The following SNTG1 variants were observed in gnomAD, a reference collection of about 807,000 sequenced individuals.
SNTG1 encodes the protein syntrophin gamma 1, also known as gamma-1-syntrophin.
SNTG1 carries 39 observed loss-of-function variants against 74.7 expected under a neutral mutation model. The observed-to-expected ratio is 0.52, with a 90% CI of 0.40 to 0.68. The LOEUF is 0.68. Among genes scored for constraint, SNTG1 ranks in the 30% least tolerant of loss-of-function variants. SNTG1 has a pLI of 0.00. For synonymous variants in SNTG1, 254 were observed against 217.1 expected, an observed-to-expected ratio of 1.17 and a Z score of -1.49; for missense variants, 685 against 609.5, an observed-to-expected ratio of 1.12 and a Z score of -1.30.
intron 4 of SNTG1, among the ~76,000 whole-genome samples, chr8:50,412,354 C>T (rs771065104): frequency 1.4e-4 from 22 of 152,118 alleles, no homozygotes; most frequent in Non-Finnish European, 2.9e-4. Flanking sequence ...GTGACTCCTT[C>T]TTTCTTCTTT....
chr8:49,973,600 T>C (rs1161751826), intron 1 of SNTG1, among the ~76,000 whole-genome samples: 1 of 151,976 alleles, frequency 6.6e-6, no homozygotes, highest in Admixed American at 6.6e-5. Context: ...TGGCTTTCAT[T>C]AATATGCATC....
chr8:50,205,473 A>C (rs78997621), intron 2 of SNTG1, among the ~76,000 whole-genome samples: 65,501 of 151,942 alleles, frequency 0.43, 17,858 homozygotes, highest in African/African-American at 0.78. Context: ...CAGATATTAG[A>C]CCTTTGTCAG....
chr8:50,061,797 A>G (rs1422841694), intron 1 of SNTG1, among the ~76,000 whole-genome samples: 3 of 151,990 alleles, frequency 2.0e-5, no homozygotes, highest in African/African-American at 7.2e-5. Context: ...TTGTCTTGTT[A>G]TTGATATCTA....
At chr8:50,475,123 T>A (rs2093686232) in intron 8 of SNTG1, among the ~76,000 whole-genome samples, 1 of 150,978 alleles carries the variant, frequency 6.6e-6, no homozygotes, top group South Asian at 2.1e-4. Context: ...ATATACTGAA[T>A]GCTAAATGAT....
chr8:50,288,702 A>G (rs2130528189), intron 2 of SNTG1, among the ~76,000 whole-genome samples: 1 of 152,302 alleles, frequency 6.6e-6, no homozygotes, highest in Non-Finnish European at 1.5e-5. Flanking sequence ...ATCTGGAAAA[A>G]AAAAGGATAG....
At chr8:50,214,222 C>G in intron 2 of SNTG1, among the ~76,000 whole-genome samples, 1 of 126,154 alleles carries the variant, frequency 7.9e-6, no homozygotes, top group Non-Finnish European at 1.6e-5. Context: ...AACACATGGA[C>G]ACAGGAAGGG....
chr8:50,391,621 G>C (rs2092661861), intron 2 of SNTG1, among the ~76,000 whole-genome samples: 1 of 152,060 alleles, frequency 6.6e-6, no homozygotes, highest in Non-Finnish European at 1.5e-5. Context: ...TTTTTCTATT[G>C]ATTGGAATAG....
intron 2 of SNTG1, among the ~76,000 whole-genome samples, chr8:50,339,668 T>C (rs2091260863): frequency 6.6e-6 from 1 of 151,452 alleles, no homozygotes; most frequent in Non-Finnish European, 1.5e-5. Context: ...AAGAGGGAAG[T>C]AAAAATGGAG....
chr8:50,115,042 G>T (rs1347571048), intron 1 of SNTG1, among the ~76,000 whole-genome samples: 2 of 152,018 alleles, frequency 1.3e-5, no homozygotes, highest in East Asian at 1.9e-4. Flanking sequence ...TAAAATTCAA[G>T]AATAGATTTG....
intron 1 of SNTG1, among the ~76,000 whole-genome samples, chr8:49,975,697 G>A (rs914516381): frequency 3.3e-5 from 5 of 152,024 alleles, no homozygotes; most frequent in Non-Finnish European, 5.9e-5. Context: ...TTTTCAGTCC[G>A]AGGAAAGATT....
At chr8:50,677,756 A>T (rs1248554308) in intron 15 of SNTG1, among the ~76,000 whole-genome samples, 3 of 152,024 alleles carry the variant, frequency 2.0e-5, no homozygotes, top group African/African-American at 7.2e-5. Context: ...AAGAAATATT[A>T]TGGAAAAGTT....
chr8:50,215,276 A>G (rs1440626545), intron 2 of SNTG1, among the ~76,000 whole-genome samples: 1 of 151,860 alleles, frequency 6.6e-6, no homozygotes, highest in Non-Finnish European at 1.5e-5. Context: ...ATAAAAGTTA[A>G]AATATCCATC....
At chr8:49,917,372 T>C (rs546296040) in intron 1 of SNTG1, among the ~76,000 whole-genome samples, 3 of 152,328 alleles carry the variant, frequency 2.0e-5, no homozygotes, top group Admixed American at 6.5e-5. Flanking sequence ...CGTGCTCTCA[T>C]GGTGGAACAT....
At chr8:50,389,556 G>T (rs1052944650) in intron 2 of SNTG1, among the ~76,000 whole-genome samples, 8 of 152,162 alleles carry the variant, frequency 5.3e-5, no homozygotes, top group African/African-American at 1.9e-4. Context: ...GTGTGCATGT[G>T]TCTTTATAGC....
intron 17 of SNTG1, among the ~76,000 whole-genome samples, chr8:50,749,963 G>T (rs2095563565): frequency 6.6e-6 from 1 of 151,986 alleles, no homozygotes; most frequent in African/African-American, 2.4e-5. Context: ...TTTAAGAAAT[G>T]CACTTTGTAA....
intron 2 of SNTG1, among the ~76,000 whole-genome samples, chr8:50,349,628 T>C (rs932490780): frequency 6.6e-6 from 1 of 152,192 alleles, no homozygotes; most frequent in Non-Finnish European, 1.5e-5. Flanking sequence ...TATTCAGTTC[T>C]AGAGGTCCAG....
chr8:50,110,124 A>C (rs921952573), intron 1 of SNTG1, among the ~76,000 whole-genome samples: 5 of 152,106 alleles, frequency 3.3e-5, no homozygotes, highest in Admixed American at 6.6e-5. Context: ...GCTCCTGCGT[A>C]TCTCTTAGGG....
intron 1 of SNTG1, among the ~76,000 whole-genome samples, chr8:50,124,073 T>G (rs1026266275): frequency 1.4e-5 from 2 of 142,324 alleles, no homozygotes; most frequent in Non-Finnish European, 3.1e-5. Context: ...TACCTCAGAA[T>G]CTGTACTTGG....
At chr8:50,182,069 G>A (rs1252310672) in intron 2 of SNTG1, among the ~76,000 whole-genome samples, 1 of 152,012 alleles carries the variant, frequency 6.6e-6, no homozygotes, top group Admixed American at 6.6e-5. Context: ...TGGAGCAAGT[G>A]GTGATATCAT....
Sources: allele counts gnomAD v4.1 joint callset (sites outside exome capture counted in the v4.1 genomes callset), GRCh38; gene constraint gnomAD v4.1.1; transcripts MANE v1.5; gene names NCBI Gene and HGNC (gene_info 2026-07-23, HGNC 2026-07-21).